Variants in FSIP2 observed in about 807,000 individuals in gnomAD.
The protein encoded by FSIP2 is fibrous sheath-interacting protein 2.
In FSIP2, 367 loss-of-function variants were observed where a neutral mutation model predicts 510.5. That is an observed-to-expected ratio of 0.72 (90% confidence interval 0.66 to 0.78). The LOEUF (loss-of-function observed/expected upper bound fraction) is 0.78. Ranked by LOEUF, FSIP2 falls within the 30% of genes least tolerant of loss-of-function variation. The pLI is 0.00. For synonymous variants in FSIP2, 2,601 were observed against 2,732.2 expected (o/e 0.95, Z 1.50); for missense variants, 7,594 against 7,901.7 (o/e 0.96, Z 1.48).
intron 13 of FSIP2, among the ~76,000 whole-genome samples, chr2:185,767,632 G>A (rs1692516641): frequency 6.6e-6 from 1 of 152,134 alleles, no homozygotes; most frequent in Admixed American, 6.6e-5. Context: ...TTGTTTGAAA[G>A]GCTAAATAGT....
chr2:185,792,000 G>A lies in FSIP2; in HGVS notation c.4864G>A (p.Glu1622Lys). Residue 1622 changes from glutamate (E) to lysine (K), a missense_variant, in exon 16 of 23, where the codon GAA becomes AAA. Transcript: ENST00000424728. ...KKSNKIGWEY[E>K]STNISRDTHE... ...AAGCAATAAGATAGGCTGGGAATAT[G>A]AAAGCACCAATATTTCCAGAGACAC... 6.5e-7 allele frequency: 1 copy of A among 1,533,890 alleles called. No homozygotes were observed. The highest frequency in any genetic ancestry group is 8.7e-7 in the Non-Finnish European group (1 of 1,145,388).
rs1414105256 is a variant in FSIP2 at position 185,805,463 on chromosome 2, A to G, written c.16157A>G (p.Gln5386Arg). 1 of 1,611,366 alleles carries G rather than the reference A, an allele frequency of 6.2e-7. No individual in the cohort carries two copies. Among genetic ancestry groups the G allele is most frequent in the South Asian group, 1.1e-5 (1 of 90,928 alleles). The change falls in exon 17 of 23, where the codon CAG (glutamine) becomes CGG (arginine). Residue 5386 changes from glutamine (Q) to arginine (R), a missense_variant. Coordinates refer to ENST00000424728, the MANE Select transcript of FSIP2 (RefSeq NM_173651.4). ...IAIGMIAALTQKAISAFRIQP... is the reference protein window; with the variant it reads ...IAIGMIAALTRKAISAFRIQP... ...ATAGGGATGATTGCTGCTCTAACCC[A>G]GAAGGCAATATCTGCATTCAGGATT...
intron 15 of FSIP2, among the ~76,000 whole-genome samples, chr2:185,786,703 C>A (rs915370684): frequency 4.0e-5 from 6 of 151,754 alleles, no homozygotes; most frequent in Non-Finnish European, 8.8e-5. Flanking sequence ...TGAAAAGGGA[C>A]CTGGTCACCT....
In FSIP2 at chr2:185,793,443, G is replaced by GA; in HGVS notation, c.6313dup (p.Thr2105AsnfsTer6). On this transcript the variant is annotated frameshift_variant, in exon 16 of 23. Transcript: ENST00000424728. LOFTEE classifies it high-confidence loss of function. ...TGAAGGTATCCTATGTGATATTTAT[G>GA]AAAAAACCCTGTTTCAGAATAATCT... 1 of 1,534,254 alleles carries GA rather than the reference G, an allele frequency of 6.5e-7. No homozygotes were observed. Among genetic ancestry groups the GA allele is most frequent in the Non-Finnish European group, 8.7e-7 (1 of 1,145,634 alleles).
Position 185,807,878 on chromosome 2 carries a change from T to C in FSIP2, c.18572T>C (p.Leu6191Ser), listed in dbSNP as rs1237801165. 1 of 1,606,148 alleles carries C rather than the reference T, an allele frequency of 6.2e-7. No homozygotes were observed. The highest frequency in any genetic ancestry group is 2.2e-5 in the East Asian group (1 of 44,604). Residue 6191 changes from leucine to serine, a missense_variant, in exon 17 of 23, where the codon TTA becomes TCA. Coordinates refer to ENST00000424728, the MANE Select transcript of FSIP2 (RefSeq NM_173651.4). Reference protein sequence around the residue: ...EIAVKFLSKLLSIFPKVHKER... With the variant: ...EIAVKFLSKLSSIFPKVHKER... ...GCTGTGAAATTTTTATCAAAGCTTTTATCTATATTTCCAAAAGTACATAAA... is the reference window on the plus strand; with the variant it reads ...GCTGTGAAATTTTTATCAAAGCTTTCATCTATATTTCCAAAAGTACATAAA...
In FSIP2 at chr2:185,807,116, A is replaced by C; in HGVS notation, c.17810A>C (p.Asn5937Thr). The change falls in exon 17 of 23, where the codon AAT becomes ACT. Residue 5937 changes from asparagine to threonine, a missense_variant. Transcript: ENST00000424728. ...DYGSQDSIWK[N>T]INSNGENLAR... ...GGATCTCAAGACTCTATTTGGAAGA[A>C]TATAAACAGTAATGGAGAAAATTTA... 5 of 1,600,330 alleles carry C rather than the reference A, an allele frequency of 3.1e-6. No homozygotes were observed. Among genetic ancestry groups the C allele is most frequent in the Non-Finnish European group, 1.7e-6 (2 of 1,175,436 alleles).
chr2:185,803,853 T>A lies in FSIP2; in HGVS notation c.14547T>A (p.Asn4849Lys). The change falls in exon 17 of 23, where the codon AAT becomes AAA. Residue 4849 changes from asparagine to lysine, a missense_variant. Coordinates refer to ENST00000424728, the MANE Select transcript of FSIP2 (RefSeq NM_173651.4). The stretch of plus-strand genomic sequence containing the variant: ...AAATATGTATTATTAAATATGGGAA[T>A]AAAAAACAGAGTATGATTTCAGCAA... ...KHEICIIKYG[N>K]KKQSMISAKD... is the part of the protein sequence containing the mutation. 6.6e-7 allele frequency: 1 copy of A among 1,511,396 alleles called. No homozygotes were observed. Among genetic ancestry groups the A allele is most frequent in the Admixed American group, 2.1e-5 (1 of 47,166 alleles). The allele number at this position is 1,511,396 out of a possible 1,614,324, so 93.6% of individuals were successfully genotyped here.
chr2:185,794,585 G>C lies in FSIP2; in HGVS notation c.7449G>C (p.Leu2483=). ...GESKNKEKGE[L]LIAVEELLNK... ...CAAAAAACAAAGAAAAAGGTGAACT[G>C]CTCATTGCAGTGGAAGAACTTTTGA... is the stretch of plus-strand genomic sequence containing the variant. The change falls in exon 16 of 23, where the codon CTG becomes CTC. Residue 2483 remains leucine (L), a synonymous_variant. Coordinates refer to ENST00000424728, the MANE Select transcript of FSIP2 (RefSeq NM_173651.4). 3 of 1,532,014 alleles carry C rather than the reference G, an allele frequency of 2.0e-6. No homozygotes were observed. The highest frequency in any genetic ancestry group is 1.7e-4 in the Middle Eastern group (1 of 5,960). The allele number at this position is 1,532,014 out of a possible 1,614,324, so 94.9% of individuals were successfully genotyped here.
chr2:185,791,919 G>T lies in FSIP2; in HGVS notation c.4783G>T (p.Gly1595Trp). 3.9e-6 allele frequency: 6 copies of T among 1,533,910 alleles called. No homozygotes were observed. Among genetic ancestry groups the T allele is most frequent in the Non-Finnish European group, 5.2e-6 (6 of 1,145,414 alleles). ...ILNMVFAKLE[G>W]FANGHLEILG... The stretch of plus-strand genomic sequence containing the variant: ...TAATATGGTTTTTGCTAAACTGGAA[G>T]GGTTTGCCAACGGACATTTAGAAAT... Residue 1595 changes from glycine (G) to tryptophan (W), a missense_variant, in exon 16 of 23, where the codon GGG becomes TGG. Gly to Trp is a radical substitution (Grantham distance 184). Transcript: ENST00000424728.
intron 20 of FSIP2, among the ~76,000 whole-genome samples, chr2:185,827,634 G>A (rs1451975961): frequency 2.0e-5 from 3 of 151,764 alleles, no homozygotes; most frequent in African/African-American, 7.3e-5. Context: ...ACAACTTTTG[G>A]TTCTGTAGAC....
upstream of FSIP2, chr2:185,738,789 C>A: frequency 6.5e-7 from 1 of 1,535,892 alleles, no homozygotes; most frequent in Non-Finnish European, 8.7e-7. Context: ...GGGCTGAGGT[C>A]GTTGGGCTCT....
rs1458873566 is a variant in FSIP2 at position 185,802,558 on chromosome 2, CT to C, written c.13254del (p.His4419IlefsTer51). ...LIVAAISDYLLHPLFSGDFSA... is the reference protein window; with the variant it reads ...LIVAAISDYLXHPLFSGDFSA... ...TGTAGCAGCTATTTCAGATTACCTT[CT>C]TCATCCACTGTTTTCTGGGGATTTT... is the stretch of plus-strand genomic sequence containing the variant. On this transcript the variant is annotated frameshift_variant, in exon 17 of 23. Transcript: ENST00000424728. LOFTEE classifies it high-confidence loss of function. 6.5e-7 allele frequency: 1 copy of C among 1,529,582 alleles called. No individual in the cohort carries two copies. The highest frequency in any genetic ancestry group is 8.7e-7 in the Non-Finnish European group (1 of 1,144,162). The allele number at this position is 1,529,582 out of a possible 1,614,324, so 94.8% of individuals were successfully genotyped here.
chr2:185,800,203 T>A lies in FSIP2; in HGVS notation c.10897T>A (p.Ser3633Thr), dbSNP rs779852085. ...CTTTGAAAGCAATGTAAGAAACAAATCATTTTCTATGCATAGAAATAATAG... is the reference window on the plus strand; with the variant it reads ...CTTTGAAAGCAATGTAAGAAACAAAACATTTTCTATGCATAGAAATAATAG... ...YHFESNVRNK[S>T]FSMHRNNSVP... The change falls in exon 17 of 23, where the codon TCA (serine) becomes ACA (threonine). Residue 3633 changes from serine to threonine, a missense_variant. Ser to Thr is a moderately conservative substitution (Grantham distance 58, BLOSUM62 1). Coordinates refer to ENST00000424728, the MANE Select transcript of FSIP2 (RefSeq NM_173651.4). 1.3e-6 allele frequency: 2 copies of A among 1,531,974 alleles called. No homozygotes were observed. Among genetic ancestry groups the A allele is most frequent in the African/African-American group, 2.7e-5 (2 of 72,756 alleles). The allele number at this position is 1,531,974 out of a possible 1,614,324, so 94.9% of individuals were successfully genotyped here. A position where few individuals can be genotyped will look rare whatever the true frequency, so the allele number is the denominator to read the frequency against.
At chr2:185,752,259 A>G (rs1692164123) in intron 7 of FSIP2, among the ~76,000 whole-genome samples, 1 of 150,732 alleles carries the variant, frequency 6.6e-6, no homozygotes. Context: ...ATGCTGTTTA[A>G]CTTTCTTCTC....
rs534949257 is a variant in FSIP2 at position 185,782,021 on chromosome 2, A to G, written c.1412-684A>G. Reference sequence around the variant, plus strand: ...CGGCTAATCTTTTTGTATTTTTAATAGAGACGGGGTTTCACCGTGTTAGCC... The same window carrying G: ...CGGCTAATCTTTTTGTATTTTTAATGGAGACGGGGTTTCACCGTGTTAGCC... On this transcript the variant is annotated intron_variant, in intron 13 of 22. Coordinates refer to ENST00000424728, the MANE Select transcript of FSIP2 (RefSeq NM_173651.4). Among the ~76,000 whole-genome samples, 10 of 152,268 alleles carry G rather than the reference A, an allele frequency of 6.6e-5. No homozygotes were observed. In the South Asian group the frequency reaches 2.1e-3, roughly 32 times the overall value.
chr2:185,781,059 A>T (rs1692838645), intron 13 of FSIP2, among the ~76,000 whole-genome samples: 1 of 145,594 alleles, frequency 6.9e-6, no homozygotes, highest in Non-Finnish European at 1.5e-5. Context: ...CTGTGGCATG[A>T]TTTTTTTTTT....
Position 185,800,756 on chromosome 2 carries a change from A to T in FSIP2, c.11450A>T (p.Asp3817Val). The T allele has an allele frequency of 6.5e-7, 1 of 1,533,992 alleles. No homozygotes were observed. The highest frequency in any genetic ancestry group is 8.7e-7 in the Non-Finnish European group (1 of 1,145,470). ...GGMDCECLQV[D>V]YMSDLLENVA... Reference sequence around the variant, plus strand: ...ATGGACTGTGAATGCCTTCAAGTAGATTACATGTCAGACCTTTTGGAGAAT... The same window carrying T: ...ATGGACTGTGAATGCCTTCAAGTAGTTTACATGTCAGACCTTTTGGAGAAT... The change falls in exon 17 of 23, where the codon GAT becomes GTT. Residue 3817 changes from aspartate to valine, a missense_variant. By Grantham distance (152) the Asp-to-Val change is radical. Transcript: ENST00000424728.
intron 14 of FSIP2, among the ~76,000 whole-genome samples, chr2:185,786,002 A>AAGAT (rs1460622927): frequency 2.6e-5 from 4 of 151,960 alleles, no homozygotes; most frequent in East Asian, 1.9e-4. Flanking sequence ...AAGGATCAGA[A>AAGAT]AGATACACTG....
At chr2:185,771,011 A>T (rs1692596319) in intron 13 of FSIP2, among the ~76,000 whole-genome samples, 2 of 152,158 alleles carry the variant, frequency 1.3e-5, no homozygotes, top group South Asian at 4.1e-4. Context: ...GCTCCAAAAT[A>T]ATCTCCCTTG....
Sources: gnomAD v4.1 joint callset for allele counts (sites outside exome capture counted in the v4.1 genomes callset) on GRCh38, gnomAD v4.1.1 for gene constraint, MANE v1.5 for transcripts, NCBI Gene and HGNC (gene_info 2026-07-23, HGNC 2026-07-21) for gene names.